Variants in DPP10 observed in about 807,000 individuals in gnomAD.
The protein encoded by DPP10 is inactive dipeptidyl peptidase 10.
DPP10 carries 33 observed loss-of-function variants against 120.9 expected under a neutral mutation model. The observed-to-expected ratio is 0.27, with a 90% CI of 0.21 to 0.37. The LOEUF (loss-of-function observed/expected upper bound fraction) is 0.37, where lower values mean the gene tolerates loss of function less well. Among genes scored for constraint, DPP10 ranks in the 10% least tolerant of loss-of-function variants. The pLI is 1.00. For synonymous variants in DPP10, 337 were observed against 326.1 expected (o/e 1.03, Z -0.36); for missense variants, 816 against 942.8 (o/e 0.87, Z 1.76).
intron 1 of DPP10, among the ~76,000 whole-genome samples, chr2:114,937,707 G>T (rs960847878): frequency 6.6e-6 from 1 of 152,044 alleles, no homozygotes; most frequent in Admixed American, 6.6e-5. Context: ...ATCTGGGCTG[G>T]TTCACCTTTT....
chr2:115,827,412 G>GTATATATA (rs1164585822), intron 21 of DPP10, among the ~76,000 whole-genome samples: 1,727 of 81,722 alleles, frequency 0.021, 16 homozygotes, highest in Non-Finnish European at 0.028. Context: ...GTATGTGTGT[G>GTATATATA]TGTATATATA....
chr2:115,832,993 A>G (rs983621040), intron 21 of DPP10, among the ~76,000 whole-genome samples: 5 of 152,168 alleles, frequency 3.3e-5, no homozygotes, highest in African/African-American at 1.2e-4. Flanking sequence ...GGTCTACTGA[A>G]TTTGAATCTG....
Position 114,649,847 on chromosome 2 carries a change from T to C in DPP10, c.60+207009T>C, listed in dbSNP as rs186029308. On this transcript the variant is annotated intron_variant, in intron 1 of 25. Coordinates refer to ENST00000410059, the MANE Select transcript of DPP10 (RefSeq NM_020868.6). ...TTTTCATCATTGATCTTTAAAATGA[T>C]ATCCTTATAAATTCCATATATCTGA... 2.6e-4 allele frequency among the ~76,000 whole-genome samples: 39 copies of C among 152,250 alleles called. 2 individuals carry two copies. The East Asian group carries it at 7.3e-3, about 29-fold the overall frequency.
chr2:114,959,543 TA>T (rs1698459279), intron 1 of DPP10, among the ~76,000 whole-genome samples: 1 of 152,228 alleles, frequency 6.6e-6, no homozygotes, highest in Non-Finnish European at 1.5e-5. Context: ...CATTTATGTA[TA>T]AATTGTATTT....
chr2:115,824,783 A>G (rs1195860765), intron 21 of DPP10, among the ~76,000 whole-genome samples: 6 of 152,182 alleles, frequency 3.9e-5, no homozygotes, highest in African/African-American at 1.2e-4. Flanking sequence ...TTCTTTAACT[A>G]TGTAAAGTGA....
intron 3 of DPP10, among the ~76,000 whole-genome samples, chr2:115,359,996 C>G (rs866785095): frequency 1.3e-5 from 2 of 152,024 alleles, no homozygotes; most frequent in African/African-American, 4.8e-5. Context: ...CTTGTGTTGT[C>G]TTTCTACTCT....
At chr2:115,325,237 C>G (rs2062290490) in intron 2 of DPP10, among the ~76,000 whole-genome samples, 1 of 152,048 alleles carries the variant, frequency 6.6e-6, no homozygotes, top group African/African-American at 2.4e-5. Context: ...TGTAATTGAG[C>G]AAAGCACAAT....
At chr2:115,409,010 A>C (rs1026149168) in intron 3 of DPP10, among the ~76,000 whole-genome samples, 3 of 152,046 alleles carry the variant, frequency 2.0e-5, no homozygotes, top group African/African-American at 4.8e-5. Flanking sequence ...AGTAACTAAA[A>C]TTTGTCCATT....
At chr2:115,661,703 C>T (rs1384209876) in intron 5 of DPP10, among the ~76,000 whole-genome samples, 2 of 152,122 alleles carry the variant, frequency 1.3e-5, no homozygotes, top group African/African-American at 4.8e-5. Context: ...CTGCCCACAC[C>T]TTTCATTTTT....
chr2:115,638,345 G>A (rs1307922596), intron 5 of DPP10, among the ~76,000 whole-genome samples: 1 of 152,124 alleles, frequency 6.6e-6, no homozygotes, highest in African/African-American at 2.4e-5. Flanking sequence ...TTTGGTGATG[G>A]CCAACCATGC....
At position 115,840,808 on chromosome 2, in the gene DPP10, G is replaced by A. The variant is rs760213925; in HGVS notation, c.2241G>A (p.Val747=). The A allele has an allele frequency of 4.2e-5, 68 of 1,613,184 alleles. No individual in the cohort carries two copies. The highest frequency in any genetic ancestry group is 5.4e-5 in the Non-Finnish European group (64 of 1,179,644). Residue 747 remains valine (V), a synonymous_variant, in exon 25 of 26, where the codon GTG becomes GTA. Transcript: ENST00000410059. ...ELIKHLIKAG[V]NYTMQVYPDE... ...TCAAGCACCTAATAAAAGCTGGAGT[G>A]AATTATACTATGCAGGTAAGCTACT...
At chr2:114,651,179 A>G (rs1400067091) in intron 1 of DPP10, among the ~76,000 whole-genome samples, 2 of 152,252 alleles carry the variant, frequency 1.3e-5, no homozygotes, top group African/African-American at 4.8e-5. Flanking sequence ...AATAGGTTTT[A>G]TTCCTACGAA....
chr2:114,899,260 A>G (rs1206593955), intron 1 of DPP10, among the ~76,000 whole-genome samples: 1 of 152,102 alleles, frequency 6.6e-6, no homozygotes, highest in Non-Finnish European at 1.5e-5. Context: ...ACAGTGGTGA[A>G]GAGCAAGTTT....
At chr2:115,530,498 G>A (rs2078395136) in intron 5 of DPP10, among the ~76,000 whole-genome samples, 1 of 151,896 alleles carries the variant, frequency 6.6e-6, no homozygotes, top group South Asian at 2.1e-4. Context: ...TGGCCAACAT[G>A]GTGAAATGCC....
intron 13 of DPP10, among the ~76,000 whole-genome samples, chr2:115,773,610 T>C (rs966425521): frequency 6.6e-6 from 1 of 152,126 alleles, no homozygotes; most frequent in Non-Finnish European, 1.5e-5. Context: ...CAAGTTAATA[T>C]TGCAGAGATT....
chr2:115,500,055 G>A (rs1488901889), intron 4 of DPP10, among the ~76,000 whole-genome samples: 1 of 151,840 alleles, frequency 6.6e-6, no homozygotes, highest in Non-Finnish European at 1.5e-5. Context: ...AGGTTGATGT[G>A]TTTTAGAATT....
intron 1 of DPP10, among the ~76,000 whole-genome samples, chr2:114,627,617 A>G (rs561274934): frequency 1.3e-5 from 2 of 152,056 alleles, no homozygotes; most frequent in Non-Finnish European, 2.9e-5. Flanking sequence ...TTTTTTAGGT[A>G]GGGGGAGGGA....
intron 1 of DPP10, among the ~76,000 whole-genome samples, chr2:115,274,401 A>G (rs2059824467): frequency 6.6e-6 from 1 of 152,112 alleles, no homozygotes; most frequent in Non-Finnish European, 1.5e-5. Context: ...GTGAATATTT[A>G]GGTGCACTTT....
intron 5 of DPP10, among the ~76,000 whole-genome samples, chr2:115,627,230 T>C (rs1259051494): frequency 6.6e-6 from 1 of 152,212 alleles, no homozygotes; most frequent in Non-Finnish European, 1.5e-5. Context: ...CTATTGCTGA[T>C]AGAGGGATTC....
Sources: gnomAD v4.1 joint callset for allele counts (sites outside exome capture counted in the v4.1 genomes callset) on GRCh38, gnomAD v4.1.1 for gene constraint, MANE v1.5 for transcripts, NCBI Gene and HGNC (gene_info 2026-07-23, HGNC 2026-07-21) for gene names.